Variants in AOAH observed in about 807,000 individuals in gnomAD.
AOAH encodes acyloxyacyl hydrolase.
AOAH carries 64 observed loss-of-function variants against 92.2 expected under a neutral mutation model. That is an observed-to-expected ratio of 0.69 (90% CI 0.57 to 0.86). The LOEUF (loss-of-function observed/expected upper bound fraction) is 0.86, where lower values mean the gene tolerates loss of function less well. Among genes scored for constraint, AOAH ranks in the 40% least tolerant of loss-of-function variants. The pLI is 0.00. For missense variants in AOAH, 656 were observed against 694.6 expected, an observed-to-expected ratio of 0.94 and a Z score of 0.62; for synonymous variants, 263 against 254.5, an observed-to-expected ratio of 1.03 and a Z score of -0.32.
In AOAH at chr7:36,724,353, C is replaced by T. The variant is rs55987276; in HGVS notation, c.-205G>A. On this transcript the variant is annotated 5_prime_UTR_variant, in exon 1 of 21. Coordinates refer to ENST00000617537, the MANE Select transcript of AOAH (RefSeq NM_001637.4). ...CACATAAACACTCACAGACCCACAG[C>T]TTGCTCTTGTTGGACCCTGAGAGAG... is the stretch of plus-strand genomic sequence containing the variant. 1,912 of 467,600 alleles carry T rather than the reference C, an allele frequency of 4.1e-3. 23 individuals are homozygous for T. The highest frequency in any genetic ancestry group is 0.035 in the African/African-American group (1,745 of 50,244). The allele number at this position is 467,600 out of a possible 1,614,324, so 29.0% of individuals were successfully genotyped here. A position where few individuals can be genotyped will look rare whatever the true frequency, so the allele number is the denominator to read the frequency against.
intron 9 of AOAH, among the ~76,000 whole-genome samples, chr7:36,618,674 C>T (rs574828213): frequency 2.3e-4 from 35 of 152,216 alleles, no homozygotes; most frequent in East Asian, 9.7e-4. Flanking sequence ...AGGGTCTGGG[C>T]GGATTCTGCA....
chr7:36,576,370 C>T (rs1788499210), intron 13 of AOAH, among the ~76,000 whole-genome samples: 1 of 152,202 alleles, frequency 6.6e-6, no homozygotes, highest in South Asian at 2.1e-4. Flanking sequence ...CCCTTGACTG[C>T]AGCTTGTTTT....
At chr7:36,696,046 C>T (rs1398520034) in intron 1 of AOAH, among the ~76,000 whole-genome samples, 1 of 152,166 alleles carries the variant, frequency 6.6e-6, no homozygotes, top group Non-Finnish European at 1.5e-5. Context: ...AGACTACCCT[C>T]TTGCCATTGA....
intron 3 of AOAH, among the ~76,000 whole-genome samples, chr7:36,668,937 C>G (rs1795732085): frequency 6.6e-6 from 1 of 152,252 alleles, no homozygotes; most frequent in African/African-American, 2.4e-5. Flanking sequence ...ACTACCTTTA[C>G]AGCTATAGAA....
intron 2 of AOAH, among the ~76,000 whole-genome samples, chr7:36,677,486 C>T (rs1211639754): frequency 1.3e-5 from 2 of 152,116 alleles, no homozygotes; most frequent in Non-Finnish European, 2.9e-5. Flanking sequence ...ATGCTGATGG[C>T]AATGTAAACT....
At chr7:36,709,517 T>C (rs1231942705) in intron 1 of AOAH, among the ~76,000 whole-genome samples, 1 of 152,202 alleles carries the variant, frequency 6.6e-6, no homozygotes, top group African/African-American at 2.4e-5. Flanking sequence ...GTTTTATACT[T>C]AGTCTTTTGC....
intron 3 of AOAH, among the ~76,000 whole-genome samples, chr7:36,667,469 C>T (rs1795614485): frequency 6.6e-6 from 1 of 152,170 alleles, no homozygotes; most frequent in Non-Finnish European, 1.5e-5. Context: ...ATAAATTAAA[C>T]TTTGTCATAG....
At chr7:36,593,569 C>T (rs1789897560) in intron 12 of AOAH, among the ~76,000 whole-genome samples, 1 of 152,210 alleles carries the variant, frequency 6.6e-6, no homozygotes, top group Non-Finnish European at 1.5e-5. Flanking sequence ...AAGCTCTACC[C>T]TTTCTTCTTT....
At chr7:36,673,307 A>G (rs1796038241) in intron 3 of AOAH, among the ~76,000 whole-genome samples, 1 of 152,196 alleles carries the variant, frequency 6.6e-6, no homozygotes, top group Non-Finnish European at 1.5e-5. Context: ...TGAGAGGCCA[A>G]GGTGGGTGGA....
chr7:36,604,688 A>C (rs1453770632), intron 11 of AOAH, among the ~76,000 whole-genome samples: 1 of 152,176 alleles, frequency 6.6e-6, no homozygotes, highest in Admixed American at 6.5e-5. Context: ...AGACCCCAGG[A>C]TGGAAGCTGC....
chr7:36,515,857 A>G (rs560390515), intron 20 of AOAH, among the ~76,000 whole-genome samples: 30 of 117,810 alleles, frequency 2.5e-4, no homozygotes, highest in Non-Finnish European at 4.3e-4. Flanking sequence ...CACCCCCCAC[A>G]TACAGAAACA....
In AOAH at chr7:36,659,269, G is replaced by T; in HGVS notation, c.291-4C>A. 2 of 1,612,372 alleles carry T rather than the reference G, an allele frequency of 1.2e-6. No homozygotes were observed. Among genetic ancestry groups the T allele is most frequent in the Non-Finnish European group, 8.5e-7 (1 of 1,178,440 alleles). On this transcript the variant is annotated splice_polypyrimidine_tract_variant and splice_region_variant and intron_variant, in intron 3 of 20. Transcript: ENST00000617537. ...AGCATTCATATCTGCGCTAAGCCTG[G>T]AGGGAAACGGTGCAAAACAAAGGCT...
intron 1 of AOAH, among the ~76,000 whole-genome samples, chr7:36,696,466 G>A (rs1028163656): frequency 7.2e-5 from 11 of 152,146 alleles, no homozygotes; most frequent in African/African-American, 2.7e-4. Flanking sequence ...TCAGTGTAGA[G>A]TAATAGCGTT....
intron 1 of AOAH, among the ~76,000 whole-genome samples, chr7:36,700,705 T>C (rs189687364): frequency 2.2e-4 from 33 of 152,182 alleles, no homozygotes; most frequent in South Asian, 2.1e-3. Flanking sequence ...TGCCCAGTAG[T>C]GGGATTGATG....
chr7:36,572,794 G>T (rs889512996), intron 13 of AOAH, among the ~76,000 whole-genome samples: 1 of 152,156 alleles, frequency 6.6e-6, no homozygotes, highest in Non-Finnish European at 1.5e-5. Context: ...ATGTCACATG[G>T]CATAATTTAA....
At chr7:36,626,807 C>CG (rs1423996345) in intron 6 of AOAH, among the ~76,000 whole-genome samples, 1 of 152,074 alleles carries the variant, frequency 6.6e-6, no homozygotes, top group Non-Finnish European at 1.5e-5. Flanking sequence ...TTTATAGAGA[C>CG]GGGGTCTTGC....
At chr7:36,547,861 A>AT (rs1299384926) in intron 15 of AOAH, among the ~76,000 whole-genome samples, 1 of 152,174 alleles carries the variant, frequency 6.6e-6, no homozygotes, top group Non-Finnish European at 1.5e-5. Context: ...CATAGATAGG[A>AT]TTGCCCATGA....
At chr7:36,544,591 C>T (rs1170514162) in intron 15 of AOAH, among the ~76,000 whole-genome samples, 1 of 152,130 alleles carries the variant, frequency 6.6e-6, no homozygotes, top group Non-Finnish European at 1.5e-5. Context: ...CAGCCTGTGG[C>T]ACAGGGGCCA....
intron 4 of AOAH, among the ~76,000 whole-genome samples, chr7:36,649,360 T>G (rs1463110049): frequency 1.3e-5 from 2 of 152,172 alleles, no homozygotes; most frequent in Non-Finnish European, 2.9e-5. Flanking sequence ...ATAACTTCAT[T>G]GCACCTTTGT....
Sources: gnomAD v4.1 joint callset for allele counts (sites outside exome capture counted in the v4.1 genomes callset) on GRCh38, gnomAD v4.1.1 for gene constraint, MANE v1.5 for transcripts, NCBI Gene and HGNC (gene_info 2026-07-23, HGNC 2026-07-21) for gene names.